The following PTPRD variants were observed in gnomAD, a reference collection of about 807,000 sequenced individuals.
PTPRD encodes protein tyrosine phosphatase receptor type D.
PTPRD carries 34 observed loss-of-function variants against 214.5 expected under a neutral mutation model. The observed-to-expected ratio is 0.16, with a 90% confidence interval of 0.12 to 0.21. The LOEUF (loss-of-function observed/expected upper bound fraction) is 0.21. Among genes scored for constraint, PTPRD ranks in the 10% least tolerant of loss-of-function variants. The pLI is 1.00. For synonymous variants in PTPRD, 1,128 were observed against 845.7 expected (o/e 1.33, Z -5.79); for missense variants, 2,545 against 2,398.7 (o/e 1.06, Z -1.27).
intron 14 of PTPRD, among the ~76,000 whole-genome samples, chr9:8,594,909 C>CTGGA (rs1353482848): frequency 7.0e-6 from 1 of 143,020 alleles, no homozygotes; most frequent in Admixed American, 7.2e-5. Flanking sequence ...GTCACCCAGG[C>CTGGA]TGGAGTGCAG....
chr9:9,665,729 T>C (rs891654788), intron 7 of PTPRD, among the ~76,000 whole-genome samples: 13 of 151,850 alleles, frequency 8.6e-5, no homozygotes, highest in African/African-American at 3.1e-4. Context: ...CCCACATTAA[T>C]GATATTAATG....
At position 9,535,677 on chromosome 9, in the gene PTPRD, T is replaced by G. The variant is rs568963396; in HGVS notation, c.-237+39055A>C. On this transcript the variant is annotated intron_variant, in intron 8 of 45. Transcript: ENST00000381196. ...ACTTATTACATCCATTAGAGTTTAA[T>G]GTGGAGAAACAAGCTGAGCAGAAAT... Among the ~76,000 whole-genome samples, 3 of 152,094 alleles carry G rather than the reference T, an allele frequency of 2.0e-5. No homozygotes were observed. The South Asian group carries it at 6.2e-4, about 32-fold the overall frequency.
chr9:8,469,450 T>C (rs1408725565), intron 31 of PTPRD, among the ~76,000 whole-genome samples: 2 of 152,040 alleles, frequency 1.3e-5, no homozygotes, highest in Non-Finnish European at 2.9e-5. Flanking sequence ...TAAATTCCAT[T>C]TCAACTTAAA....
chr9:10,567,905 A>T (rs1299974668), intron 2 of PTPRD, among the ~76,000 whole-genome samples: 1 of 150,868 alleles, frequency 6.6e-6, no homozygotes, highest in Non-Finnish European at 1.5e-5. Flanking sequence ...TGTCTTAATA[A>T]TATATCATTG....
At chr9:9,220,005 C>T (rs76504042) in intron 9 of PTPRD, among the ~76,000 whole-genome samples, 4,326 of 152,134 alleles carry the variant, frequency 0.028, 173 homozygotes, top group African/African-American at 0.086. Context: ...TTGAAATAAA[C>T]GGTATCATAA....
intron 12 of PTPRD, among the ~76,000 whole-genome samples, chr9:8,672,801 G>A (rs1216806362): frequency 8.5e-6 from 1 of 117,048 alleles, no homozygotes; most frequent in African/African-American, 3.3e-5. Context: ...CAAGGAACAT[G>A]TAACATACCT....
intron 10 of PTPRD, among the ~76,000 whole-genome samples, chr9:9,179,909 A>T (rs1172934018): frequency 6.6e-6 from 1 of 152,116 alleles, no homozygotes; most frequent in Non-Finnish European, 1.5e-5. Flanking sequence ...GTGAGGAGTA[A>T]ATGTCATATA....
chr9:9,923,275 A>T (rs2083185669), intron 5 of PTPRD, among the ~76,000 whole-genome samples: 1 of 151,264 alleles, frequency 6.6e-6, no homozygotes. Flanking sequence ...AAAATATTGT[A>T]ATGAATAGAA....
intron 3 of PTPRD, among the ~76,000 whole-genome samples, chr9:10,300,522 T>C (rs1381691901): frequency 1.3e-5 from 2 of 152,152 alleles, no homozygotes; most frequent in Admixed American, 6.5e-5. Flanking sequence ...TGGCTTGAAA[T>C]TCTCACTGCC....
At chr9:9,361,590 A>C (rs1027673449) in intron 9 of PTPRD, among the ~76,000 whole-genome samples, 1 of 151,062 alleles carries the variant, frequency 6.6e-6, no homozygotes, top group African/African-American at 2.4e-5. Flanking sequence ...ATAAAGATCA[A>C]ATCAGTGTAA....
At chr9:9,848,214 G>A (rs1004024137) in intron 5 of PTPRD, among the ~76,000 whole-genome samples, 1 of 152,048 alleles carries the variant, frequency 6.6e-6, no homozygotes, top group Non-Finnish European at 1.5e-5. Context: ...AATTTTCAGA[G>A]GCACTAGCTG....
chr9:10,383,189 T>C (rs2097853818), intron 2 of PTPRD, among the ~76,000 whole-genome samples: 1 of 151,946 alleles, frequency 6.6e-6, no homozygotes, highest in South Asian at 2.1e-4. Flanking sequence ...TTAGGCATTA[T>C]TCACAATTTA....
chr9:10,450,468 T>C (rs2098833794), intron 2 of PTPRD, among the ~76,000 whole-genome samples: 1 of 151,980 alleles, frequency 6.6e-6, no homozygotes, highest in African/African-American at 2.4e-5. Context: ...TTTTCAAGAA[T>C]GTGCACCACG....
intron 7 of PTPRD, among the ~76,000 whole-genome samples, chr9:9,707,143 G>T (rs1042194338): frequency 1.3e-5 from 2 of 151,920 alleles, no homozygotes; most frequent in African/African-American, 4.8e-5. Flanking sequence ...TGCCATAAAG[G>T]GATTCTTTTG....
chr9:9,543,686 T>C (rs2078113214), intron 8 of PTPRD, among the ~76,000 whole-genome samples: 2 of 151,584 alleles, frequency 1.3e-5, no homozygotes, highest in Non-Finnish European at 3.0e-5. Flanking sequence ...ACCTTGATTG[T>C]TACTGAAAAC....
chr9:10,523,333 C>T (rs1028094093), intron 2 of PTPRD, among the ~76,000 whole-genome samples: 46 of 151,668 alleles, frequency 3.0e-4, no homozygotes, highest in African/African-American at 1.1e-3. Context: ...CTCTAGAAGG[C>T]GTGTGTATTT....
chr9:9,176,766 G>A (rs2099925142), intron 10 of PTPRD, among the ~76,000 whole-genome samples: 1 of 152,072 alleles, frequency 6.6e-6, no homozygotes. Flanking sequence ...TTCTGCCATG[G>A]GATGAGGCCC....
Position 10,177,290 on chromosome 9 carries a change from A to T in PTPRD, c.-544-143500T>A, listed in dbSNP as rs548628281. ...ATAAATGTGGAAGTTCAGGGAAGAG[A>T]ATGATAAATTGAAGATGCCTAATAA... On this transcript the variant is annotated intron_variant, in intron 3 of 45. Coordinates refer to ENST00000381196, the MANE Select transcript of PTPRD (RefSeq NM_002839.4). 2.6e-5 allele frequency among the ~76,000 whole-genome samples: 4 copies of T among 151,840 alleles called. No homozygotes were observed. The South Asian group carries it at 8.3e-4, about 32-fold the overall frequency.
At chr9:10,029,882 C>T (rs897888930) in intron 4 of PTPRD, among the ~76,000 whole-genome samples, 20 of 152,080 alleles carry the variant, frequency 1.3e-4, no homozygotes, top group African/African-American at 4.1e-4. Context: ...GGCTGTGTCC[C>T]CACTCAAATT....
Sources: gnomAD v4.1 joint callset for allele counts (sites outside exome capture counted in the v4.1 genomes callset) on GRCh38, gnomAD v4.1.1 for gene constraint, MANE v1.5 for transcripts, NCBI Gene and HGNC (gene_info 2026-07-23, HGNC 2026-07-21) for gene names.